The following EXOSC5 variants were observed in gnomAD, a reference collection of about 807,000 sequenced individuals.
EXOSC5 encodes the protein exosome component 5.
EXOSC5 carries 15 observed loss-of-function variants against 23.7 expected under a neutral mutation model. That is an observed-to-expected ratio of 0.63 (90% confidence interval 0.42 to 0.97). The LOEUF is 0.97. Ranked by LOEUF, EXOSC5 falls within the 50% of genes least tolerant of loss-of-function variation. The pLI is 0.00. For synonymous variants in EXOSC5, 143 were observed against 140.9 expected (o/e 1.02, Z -0.11); for missense variants, 305 against 316.3 (o/e 0.96, Z 0.27).
Position 41,397,298 on chromosome 19 carries a change from T to G in EXOSC5, c.31A>C (p.Ile11Leu). The G allele has an allele frequency of 1.2e-6, 2 of 1,613,636 alleles. No individual in the cohort carries two copies. Among genetic ancestry groups the G allele is most frequent in the Non-Finnish European group, 8.5e-7 (1 of 1,179,688 alleles). Reference protein sequence around the residue: MEEETHTDAKIRAENGTGSSP... With the variant: MEEETHTDAKLRAENGTGSSP... ...GACCCTGTTCCATTTTCAGCACGGATTTTGGCGTCAGTATGCGTCTCCTCC... is the reference window on the plus strand; with the variant it reads ...GACCCTGTTCCATTTTCAGCACGGAGTTTGGCGTCAGTATGCGTCTCCTCC... The change falls in exon 1 of 6, where the codon ATC becomes CTC. Residue 11 changes from isoleucine (I) to leucine (L), a missense_variant. By Grantham distance (5) the Ile-to-Leu change is conservative. Coordinates refer to ENST00000221233, the MANE Select transcript of EXOSC5 (RefSeq NM_020158.4).
rs531517903 is a variant in EXOSC5 at position 41,395,742 on chromosome 19, G to A, written c.148+1439C>T. On this transcript the variant is annotated intron_variant, in intron 1 of 5. Coordinates refer to ENST00000221233, the MANE Select transcript of EXOSC5 (RefSeq NM_020158.4). ...TTGTCACATGTCTCTGACTGCTCAA[G>A]TTGGAAGGCCTAGGGCTTGGTCCTG... Among the ~76,000 whole-genome samples, 9 of 152,242 alleles carry A rather than the reference G, an allele frequency of 5.9e-5. No individual in the cohort carries two copies. The South Asian group carries it at 1.9e-3, about 32-fold the overall frequency.
rs150230311 is a variant in EXOSC5, at chr19:41,389,795, G to A, written c.495C>T (p.Leu165=). The change falls in exon 4 of 6, where the codon CTC becomes CTT. Residue 165 remains leucine, a synonymous_variant. Coordinates refer to ENST00000221233, the MANE Select transcript of EXOSC5 (RefSeq NM_020158.4). ...VACALDSDGT[L]VLDPTSKQEK... Reference sequence around the variant, plus strand: ...CTTGCTTGGATGTAGGATCCAGCACGAGGGTCCCATCAGAGTCCAGGGCGC... The same window carrying A: ...CTTGCTTGGATGTAGGATCCAGCACAAGGGTCCCATCAGAGTCCAGGGCGC... 9.5e-4 allele frequency: 1,534 copies of A among 1,613,926 alleles called. 17 individuals are homozygous for A. The highest frequency in any genetic ancestry group is 2.8e-4 in the Admixed American group (17 of 59,972).
chr19:41,394,636 A>G lies in EXOSC5; in HGVS notation c.149-1656T>C, dbSNP rs185166634. Among the ~76,000 whole-genome samples, 397 of 152,104 alleles carry G rather than the reference A, an allele frequency of 2.6e-3. 6 individuals carry two copies. The highest frequency in any genetic ancestry group is 9.1e-3 in the African/African-American group (376 of 41,526). On this transcript the variant is annotated intron_variant, in intron 1 of 5. Transcript: ENST00000221233. ...AGGCTCAAGTGATTCTTGTACCTCA[A>G]CCTCCAGAGTAGCTGAGATTACAGG...
chr19:41,391,850 A>G lies in EXOSC5; in HGVS notation c.375T>C (p.Asp125=), dbSNP rs746157931. ...CTGGCAGAAAGGATACAGAGCCGGC[A>G]TCGCTGACAACCTGCAGCACCACGG... The part of the protein sequence containing the change: ...SITVVLQVVS[D]AGSLLACCLN... Residue 125 remains aspartate, a synonymous_variant, in exon 3 of 6, where the codon GAT becomes GAC. Coordinates refer to ENST00000221233, the MANE Select transcript of EXOSC5 (RefSeq NM_020158.4). 2 of 1,523,394 alleles carry G rather than the reference A, an allele frequency of 1.3e-6. No homozygotes were observed. The highest frequency in any genetic ancestry group is 2.6e-5 in the South Asian group (2 of 78,154). 94.4% of individuals were successfully genotyped at this position (1,523,394 alleles called of 1,614,324 possible). A position where few individuals can be genotyped will look rare whatever the true frequency, so the allele number is the denominator to read the frequency against.
intron 3 of EXOSC5, among the ~76,000 whole-genome samples, chr19:41,390,230 A>C (rs554341289): frequency 6.6e-5 from 10 of 152,278 alleles, no homozygotes; most frequent in African/African-American, 2.4e-4. Flanking sequence ...CACCACGCCC[A>C]GCCTAAGAAG....
chr19:41,390,911 G>A (rs1409734991), intron 3 of EXOSC5, among the ~76,000 whole-genome samples: 1 of 152,132 alleles, frequency 6.6e-6, no homozygotes, highest in African/African-American at 2.4e-5. Context: ...TCAGGGCCAC[G>A]TTCCAGTAAA....
Position 41,386,414 on chromosome 19 carries a change from G to A in EXOSC5, c.*219C>T. On this transcript the variant is annotated 3_prime_UTR_variant, in exon 6 of 6. Coordinates refer to ENST00000221233, the MANE Select transcript of EXOSC5 (RefSeq NM_020158.4). ...TTATTGATTCATCCATTCCATAAATGTGAGCTCCTTTGAATGTTATCCTTG... is the reference window on the plus strand; with the variant it reads ...TTATTGATTCATCCATTCCATAAATATGAGCTCCTTTGAATGTTATCCTTG... 1.9e-6 allele frequency: 1 copy of A among 522,682 alleles called. No homozygotes were observed. Among genetic ancestry groups the A allele is most frequent in the South Asian group, 2.8e-5 (1 of 36,120 alleles). 32.4% of individuals were successfully genotyped at this position (522,682 alleles called of 1,614,324 possible). A position where few individuals can be genotyped will look rare whatever the true frequency, so the allele number is the denominator to read the frequency against.
Position 41,389,748 on chromosome 19 carries a change from C to G in EXOSC5, c.525+17G>C, listed in dbSNP as rs985740552. 1 of 1,609,874 alleles carries G rather than the reference C, an allele frequency of 6.2e-7. No homozygotes were observed. Among genetic ancestry groups the G allele is most frequent in the Non-Finnish European group, 8.5e-7 (1 of 1,178,204 alleles). On this transcript the variant is annotated intron_variant, in intron 4 of 5. Coordinates refer to ENST00000221233, the MANE Select transcript of EXOSC5 (RefSeq NM_020158.4). ...GTCTGGCCTCTGCCCTTCAGCCACC[C>G]TGGTCTTCACACCTACCTTTTCTTG...
At chr19:41,394,109 T>C (rs972255432) in intron 1 of EXOSC5, among the ~76,000 whole-genome samples, 11 of 152,122 alleles carry the variant, frequency 7.2e-5, no homozygotes, top group African/African-American at 2.4e-4. Context: ...TGGCTTCTAG[T>C]ACTGTCTGCT....
rs2039034871 is a variant in EXOSC5 at position 41,392,931 on chromosome 19, G to A, written c.198C>T (p.Val66=). Residue 66 remains valine (V), a synonymous_variant, in exon 2 of 6, where the codon GTC becomes GTT. Coordinates refer to ENST00000221233, the MANE Select transcript of EXOSC5 (RefSeq NM_020158.4). ...TGGCCTTGTTGAAAATCTCTTTGCTGACCTTCACCTCGGCCGGCCCGTACA... is the reference window on the plus strand; with the variant it reads ...TGGCCTTGTTGAAAATCTCTTTGCTAACCTTCACCTCGGCCGGCCCGTACA... ...AGVYGPAEVK[V]SKEIFNKATL... The A allele has an allele frequency of 1.2e-6, 2 of 1,613,654 alleles. No individual in the cohort carries two copies. Among genetic ancestry groups the A allele is most frequent in the South Asian group, 2.2e-5 (2 of 91,050 alleles).
At position 41,387,509 on chromosome 19, in the gene EXOSC5, G is replaced by C; in HGVS notation, c.615+5C>G. On this transcript the variant is annotated splice_donor_5th_base_variant and intron_variant, in intron 5 of 5. Coordinates refer to ENST00000221233, the MANE Select transcript of EXOSC5 (RefSeq NM_020158.4). The stretch of plus-strand genomic sequence containing the variant: ...TGGCTTTTCCCCTCATCCCCATGCT[G>C]GTACCTCAGTGTCTGAGTAGAGCCC... 1.9e-6 allele frequency: 3 copies of C among 1,591,240 alleles called. No homozygotes were observed. In the South Asian group the frequency reaches 3.5e-5, roughly 18 times the overall value.
intron 1 of EXOSC5, among the ~76,000 whole-genome samples, chr19:41,396,204 G>A (rs1240436219): frequency 1.3e-5 from 2 of 151,396 alleles, no homozygotes; most frequent in Non-Finnish European, 2.9e-5. Context: ...ATCGTGAGAC[G>A]CTGTCTCAAT....
intron 5 of EXOSC5, among the ~76,000 whole-genome samples, chr19:41,387,082 C>G (rs1348604833): frequency 6.6e-6 from 1 of 152,102 alleles, no homozygotes; most frequent in African/African-American, 2.4e-5. Context: ...CCCCTTCAGC[C>G]CAAATAATCT....
At chr19:41,391,038 C>A (rs1296477559) in intron 3 of EXOSC5, among the ~76,000 whole-genome samples, 4 of 152,164 alleles carry the variant, frequency 2.6e-5, no homozygotes, top group African/African-American at 9.7e-5. Flanking sequence ...GCCCCCAGCA[C>A]TGAGGGCCTG....
chr19:41,386,593 G>T lies in EXOSC5; in HGVS notation c.*40C>A. 1.3e-6 allele frequency: 2 copies of T among 1,543,882 alleles called. No individual in the cohort carries two copies. The highest frequency in any genetic ancestry group is 1.8e-6 in the Non-Finnish European group (2 of 1,140,424). On this transcript the variant is annotated 3_prime_UTR_variant, in exon 6 of 6. Transcript: ENST00000221233. ...TTGCTTCAGGCTGTAGGGGGTGAGT[G>T]GGTGGAGGCAATGGGAGCGGCCCCT... is the stretch of plus-strand genomic sequence containing the variant.
In EXOSC5 at chr19:41,397,279, G is replaced by A. The variant is rs757053812; in HGVS notation, c.50C>T (p.Thr17Ile). 9 of 1,614,120 alleles carry A rather than the reference G, an allele frequency of 5.6e-6. No individual in the cohort carries two copies. Among genetic ancestry groups the A allele is most frequent in the African/African-American group, 1.3e-5 (1 of 75,068 alleles). ...TDAKIRAENGTGSSPRGPGCS... is the reference protein window; with the variant it reads ...TDAKIRAENGIGSSPRGPGCS... ...GCCAGGACCCCGAGGGCTGGACCCT[G>A]TTCCATTTTCAGCACGGATTTTGGC... Residue 17 changes from threonine (T) to isoleucine (I), a missense_variant, in exon 1 of 6, where the codon ACA (threonine) becomes ATA (isoleucine). Physicochemically the swap from Thr to Ile is moderately conservative, Grantham distance 89. Transcript: ENST00000221233.
chr19:41,396,545 G>A (rs891800848), intron 1 of EXOSC5, among the ~76,000 whole-genome samples: 1 of 151,266 alleles, frequency 6.6e-6, no homozygotes, highest in Non-Finnish European at 1.5e-5. Flanking sequence ...TATTCTTGGA[G>A]TTAATCTACT....
At chr19:41,389,312 C>T (rs1339799091) in intron 4 of EXOSC5, among the ~76,000 whole-genome samples, 1 of 152,038 alleles carries the variant, frequency 6.6e-6, no homozygotes, top group East Asian at 1.9e-4. Context: ...ATTGCCCAGG[C>T]TGGAGTGCAA....
intron 2 of EXOSC5, 174 bp from the exon 3 acceptor site, chr19:41,392,136 A>G: frequency 1.1e-6 from 1 of 881,014 alleles, no homozygotes; most frequent in Admixed American, 3.8e-5. Flanking sequence ...ACTGCCATCC[A>G]CTGACCCCTG....
Sources: allele counts gnomAD v4.1 joint callset (sites outside exome capture counted in the v4.1 genomes callset), GRCh38; gene constraint gnomAD v4.1.1; transcripts MANE v1.5; gene names NCBI Gene and HGNC (gene_info 2026-07-23, HGNC 2026-07-21).